Variants in HELQ observed in about 807,000 individuals in gnomAD.
HELQ encodes the protein helicase POLQ-like.
In HELQ, 77 loss-of-function variants were observed where a neutral mutation model predicts 111.6. The observed-to-expected ratio is 0.69, with a 90% CI of 0.57 to 0.83. The LOEUF is 0.83. Ranked by LOEUF, HELQ falls within the 40% of genes least tolerant of loss-of-function variation. The probability of loss-of-function intolerance (pLI) is 0.00; values close to 1 mark genes in which losing one functional copy is unlikely to be tolerated. For missense variants in HELQ, 1,200 were observed against 1,288.5 expected, an observed-to-expected ratio of 0.93 and a Z score of 1.05; for synonymous variants, 438 against 454.7, an observed-to-expected ratio of 0.96 and a Z score of 0.47.
At chr4:83,427,503 A>G in intron 13 of HELQ, 60 bp downstream of exon 13, 1 of 1,372,232 alleles carries the variant, frequency 7.3e-7, no homozygotes, top group Non-Finnish European at 9.7e-7. Flanking sequence ...AAACAAAACA[A>G]AACAGCATGT....
At chr4:83,437,980 T>C (rs1720552142) in intron 8 of HELQ, among the ~76,000 whole-genome samples, 1 of 152,204 alleles carries the variant, frequency 6.6e-6, no homozygotes, top group Non-Finnish European at 1.5e-5. Context: ...AGAAAATGAA[T>C]GATTTACTGA....
intron 2 of HELQ, among the ~76,000 whole-genome samples, chr4:83,451,344 T>C (rs1038933692): frequency 6.6e-6 from 1 of 152,038 alleles, no homozygotes; most frequent in Admixed American, 6.6e-5. Flanking sequence ...TACCAGAGTA[T>C]ACCAGGCACA....
At chr4:83,424,187 G>C (rs549127675) in intron 14 of HELQ, among the ~76,000 whole-genome samples, 1 of 151,974 alleles carries the variant, frequency 6.6e-6, no homozygotes, top group East Asian at 1.9e-4. Flanking sequence ...AATAAATTCT[G>C]GATTCAAGCT....
rs749432815 is a variant in HELQ at position 83,453,915 on chromosome 4, C to T, written c.328G>A (p.Asp110Asn). ...GAGTTTTCAGTAAAGCTATCATAGTCACCAAACATGTCCACTTCACTGTCA... is the reference window on the plus strand; with the variant it reads ...GAGTTTTCAGTAAAGCTATCATAGTTACCAAACATGTCCACTTCACTGTCA... Reference protein sequence around the residue: ...PNDSEVDMFGDYDSFTENSFI... With the variant: ...PNDSEVDMFGNYDSFTENSFI... Residue 110 changes from aspartate (D) to asparagine (N), a missense_variant, in exon 2 of 18, where the codon GAC (aspartate) becomes AAC (asparagine). Transcript: ENST00000295488. 5.6e-6 allele frequency: 9 copies of T among 1,612,524 alleles called. No homozygotes were observed. The South Asian group carries it at 6.6e-5, about 12-fold the overall frequency.
chr4:83,450,628 CA>C (rs1437774521), intron 2 of HELQ, among the ~76,000 whole-genome samples: 1 of 130,708 alleles, frequency 7.7e-6, no homozygotes, highest in Non-Finnish European at 1.6e-5. Context: ...CATAACATGA[CA>C]AAATAACTAA....
At chr4:83,447,141 A>C in intron 3 of HELQ, 106 bp from the exon 4 acceptor site, 1 of 738,622 alleles carries the variant, frequency 1.4e-6, no homozygotes, top group Non-Finnish European at 2.3e-6. Context: ...TGAGCCCAGG[A>C]AGGTGAGACC....
intron 17 of HELQ, among the ~76,000 whole-genome samples, chr4:83,412,844 C>T (rs1560538351): frequency 6.6e-6 from 1 of 152,138 alleles, no homozygotes; most frequent in African/African-American, 2.4e-5. Context: ...TAAAAAGACC[C>T]TCATCCCAGA....
chr4:83,430,804 A>T (rs569282883), intron 11 of HELQ, among the ~76,000 whole-genome samples: 3 of 151,946 alleles, frequency 2.0e-5, no homozygotes, highest in Non-Finnish European at 4.4e-5. Context: ...AAGAACTGAT[A>T]CTTGGTTTTT....
intron 13 of HELQ, among the ~76,000 whole-genome samples, chr4:83,426,554 G>C (rs918485143): frequency 7.5e-5 from 11 of 146,252 alleles, no homozygotes; most frequent in African/African-American, 2.4e-4. Context: ...TCTAATATAC[G>C]TTTTTGTTTC....
rs373386746 is a variant in HELQ, at chr4:83,443,621, CACAA to C, written c.1466-11_1466-8del. Reference sequence around the variant, plus strand: ...CCAATAATTTGAGTCGTTTCTAAAACACAAACAAACAAAAGCCAAAGTGTTAAGG... The same window carrying C: ...CCAATAATTTGAGTCGTTTCTAAAACACAAACAAAAGCCAAAGTGTTAAGG... On this transcript the variant is annotated splice_polypyrimidine_tract_variant and splice_region_variant and intron_variant, in intron 5 of 17. Transcript: ENST00000295488. 107 of 1,296,316 alleles carry C rather than the reference CACAA, an allele frequency of 8.3e-5. 1 individual carries two copies. Among genetic ancestry groups the C allele is most frequent in the Admixed American group, 4.0e-4 (20 of 50,066 alleles). 80.3% of individuals were successfully genotyped at this position (1,296,316 alleles called of 1,614,324 possible).
At chr4:83,436,172 TG>T (rs1161655924) in intron 9 of HELQ, among the ~76,000 whole-genome samples, 1 of 152,210 alleles carries the variant, frequency 6.6e-6, no homozygotes, top group East Asian at 1.9e-4. Context: ...ATAATTAAAG[TG>T]GGAGACTAAC....
intron 9 of HELQ, among the ~76,000 whole-genome samples, chr4:83,435,474 G>A (rs1467091300): frequency 4.6e-5 from 7 of 152,012 alleles, no homozygotes; most frequent in Non-Finnish European, 1.5e-5. Flanking sequence ...AAGTGTAAAA[G>A]TGTGAGGCCA....
At chr4:83,430,705 A>T (rs1159184690) in intron 11 of HELQ, among the ~76,000 whole-genome samples, 4 of 152,254 alleles carry the variant, frequency 2.6e-5, no homozygotes, top group Non-Finnish European at 4.4e-5. Flanking sequence ...AATGGAGCAC[A>T]GACATTTTCT....
chr4:83,455,012 G>T (rs1721671213), intron 1 of HELQ, among the ~76,000 whole-genome samples: 1 of 152,184 alleles, frequency 6.6e-6, no homozygotes, highest in Non-Finnish European at 1.5e-5. Flanking sequence ...TAAGACAACA[G>T]GATTTGGAGC....
At chr4:83,438,134 T>G (rs1720560263) in intron 8 of HELQ, among the ~76,000 whole-genome samples, 1 of 152,206 alleles carries the variant, frequency 6.6e-6, no homozygotes, top group African/African-American at 2.4e-5. Flanking sequence ...AAGTCTATCT[T>G]AGACCAATCC....
chr4:83,424,403 C>T lies in HELQ; in HGVS notation c.2775+1591G>A, dbSNP rs190006421. ...AGACCCAATCTAAAAATTGTGATAA[C>T]ATGAATGCTTAAGTACTACAGATAC... On this transcript the variant is annotated intron_variant, in intron 14 of 17. Coordinates refer to ENST00000295488, the MANE Select transcript of HELQ (RefSeq NM_133636.5). Among the ~76,000 whole-genome samples the T allele has an allele frequency of 1.5e-3, 227 of 152,308 alleles. 1 individual carries two copies. In the Middle Eastern group the frequency reaches 0.02, roughly 14 times the overall value.
intron 11 of HELQ, among the ~76,000 whole-genome samples, chr4:83,430,262 CT>C (rs1173469257): frequency 6.8e-6 from 1 of 146,550 alleles, no homozygotes; most frequent in Admixed American, 6.8e-5. Context: ...TACCCTAGAA[CT>C]TAAAGTATAA....
chr4:83,434,138 C>T (rs886935818), intron 9 of HELQ, among the ~76,000 whole-genome samples: 3 of 151,782 alleles, frequency 2.0e-5, no homozygotes, highest in South Asian at 2.1e-4. Flanking sequence ...CGGGAGGCCA[C>T]GGTGGGCAGA....
At chr4:83,413,402 G>C (rs374159309) in intron 17 of HELQ, among the ~76,000 whole-genome samples, 1 of 152,106 alleles carries the variant, frequency 6.6e-6, no homozygotes, top group Admixed American at 6.6e-5. Flanking sequence ...TGTTGTGTTT[G>C]TTGAGTGTTG....
Sources: gnomAD v4.1 joint callset for allele counts (sites outside exome capture counted in the v4.1 genomes callset) on GRCh38, gnomAD v4.1.1 for gene constraint, MANE v1.5 for transcripts, NCBI Gene and HGNC (gene_info 2026-07-23, HGNC 2026-07-21) for gene names.